Variants in ESR1 observed in about 807,000 individuals in gnomAD.
The protein encoded by ESR1 is estrogen receptor 1.
ESR1 carries 12 observed loss-of-function variants against 52.7 expected under a neutral mutation model. The ratio of observed to expected loss-of-function variants is 0.23; its 90% confidence interval spans 0.15 to 0.37. The LOEUF (loss-of-function observed/expected upper bound fraction) is 0.37, where lower values mean the gene tolerates loss of function less well. ESR1 is among the 10% of genes least tolerant of loss of function. The pLI, the probability that ESR1 is intolerant of heterozygous loss-of-function variation, is 1.00. For missense variants in ESR1, 584 were observed against 779.7 expected (o/e 0.75, Z 2.99); for synonymous variants, 305 against 316.8 (o/e 0.96, Z 0.39).
rs370788985 is a variant in ESR1 at position 151,967,547 on chromosome 6, G to A, written c.1096+23039G>A. On this transcript the variant is annotated intron_variant, in intron 4 of 7. Transcript: ENST00000206249. Reference sequence around the variant, plus strand: ...TTTTATAGCTGCATAGTATTCCATTGTGTATATGTGCCACATTTTCTTTAT... The same window carrying A: ...TTTTATAGCTGCATAGTATTCCATTATGTATATGTGCCACATTTTCTTTAT... Among the ~76,000 whole-genome samples, 24 of 152,270 alleles carry A rather than the reference G, an allele frequency of 1.6e-4. No individual in the cohort carries two copies. The East Asian group carries it at 3.9e-3, about 24-fold the overall frequency.
intron 1 of ESR1, among the ~76,000 whole-genome samples, chr6:151,698,058 C>T (rs1384705524): frequency 6.6e-6 from 1 of 151,668 alleles, no homozygotes; most frequent in Non-Finnish European, 1.5e-5. Context: ...TATTGTACCA[C>T]TGCACTCCAG....
chr6:151,764,143 G>T (rs887863339), intron 2 of ESR1, among the ~76,000 whole-genome samples: 1 of 152,156 alleles, frequency 6.6e-6, no homozygotes, highest in Non-Finnish European at 1.5e-5. Flanking sequence ...TCGGGACCGG[G>T]GTTTCCTGGA....
intron 2 of ESR1, among the ~76,000 whole-genome samples, chr6:151,784,039 T>C (rs1459901555): frequency 6.6e-6 from 1 of 152,198 alleles, no homozygotes; most frequent in Non-Finnish European, 1.5e-5. Context: ...ATTCTAACAA[T>C]ATGATTTATG....
intron 6 of ESR1, among the ~76,000 whole-genome samples, chr6:152,089,740 G>A (rs567481558): frequency 6.6e-6 from 1 of 152,102 alleles, no homozygotes; most frequent in Non-Finnish European, 1.5e-5. Context: ...CACCACACCT[G>A]ACTAATTTTT....
Position 151,839,906 on chromosome 6 carries a change from T to C in ESR1, c.453-2691T>C, listed in dbSNP as rs559037429. Among the ~76,000 whole-genome samples, 160 of 152,294 alleles carry C rather than the reference T, an allele frequency of 1.1e-3. 1 individual carries two copies. The highest frequency in any genetic ancestry group is 3.7e-3 in the African/African-American group (154 of 41,564). On this transcript the variant is annotated intron_variant, in intron 1 of 7. Coordinates refer to ENST00000206249, the MANE Select transcript of ESR1 (RefSeq NM_000125.4). ...CACGATGATGTGAGTATATCTAACA[T>C]GATTGAATTGATGAACACTTAAGCG... is the stretch of plus-strand genomic sequence containing the variant.
intron 1 of ESR1, among the ~76,000 whole-genome samples, chr6:151,701,552 A>AG (rs1779794321): frequency 7.2e-6 from 1 of 139,148 alleles, no homozygotes; most frequent in African/African-American, 2.9e-5. Context: ...AAAAAAAAAA[A>AG]GAAGAAGAAG....
intron 1 of ESR1, among the ~76,000 whole-genome samples, chr6:151,832,776 T>C (rs1222292636): frequency 6.6e-6 from 1 of 152,200 alleles, no homozygotes; most frequent in Admixed American, 6.5e-5. Flanking sequence ...TAAATACTTA[T>C]AATACTGTAT....
chr6:151,808,115 C>T lies in ESR1; in HGVS notation c.203C>T (p.Ala68Val), dbSNP rs1301485751. 1.9e-6 allele frequency: 3 copies of T among 1,611,160 alleles called. No homozygotes were observed. The South Asian group carries it at 3.3e-5, about 18-fold the overall frequency. ...AAYEFNAAAA[A>V]NAQVYGQTGL... ...TACGAGTTCAACGCCGCGGCCGCCG[C>T]CAACGCGCAGGTCTACGGTCAGACC... Residue 68 changes from alanine to valine, a missense_variant, in exon 1 of 8, where the codon GCC becomes GTC. Physicochemically the swap from Ala to Val is moderately conservative, Grantham distance 64 (BLOSUM62 0). Around this residue, in one of 6 missense-constraint regions of ESR1, gnomAD observed 251 missense variants for 246.1 expected, o/e 1.02. Transcript: ENST00000206249.
intron 1 of ESR1, among the ~76,000 whole-genome samples, chr6:151,698,844 A>G (rs1338953747): frequency 6.6e-6 from 1 of 152,206 alleles, no homozygotes; most frequent in Non-Finnish European, 1.5e-5. Context: ...AGAGGGTGAC[A>G]TGATAACATT....
chr6:152,107,957 A>G (rs1402387833), downstream of ESR1, among the ~76,000 whole-genome samples: 3 of 152,034 alleles, frequency 2.0e-5, no homozygotes, highest in Non-Finnish European at 1.5e-5. Flanking sequence ...AAACACCCTA[A>G]CCCAGCAAGG....
At chr6:151,830,948 T>A (rs1051433554) in intron 1 of ESR1, among the ~76,000 whole-genome samples, 1 of 152,208 alleles carries the variant, frequency 6.6e-6, no homozygotes, top group Non-Finnish European at 1.5e-5. Context: ...AACTAGGTAT[T>A]ATCTGTAATC....
At chr6:152,093,951 A>G (rs749338779) in intron 6 of ESR1, among the ~76,000 whole-genome samples, 1 of 152,140 alleles carries the variant, frequency 6.6e-6, no homozygotes, top group Non-Finnish European at 1.5e-5. Flanking sequence ...CCTACCTACT[A>G]TCCGAGTTCC....
chr6:152,125,352 C>T (rs2813563), exon 7 of ESR1: 315,204 of 1,549,354 alleles, frequency 0.2, 32,878 homozygotes, highest in Non-Finnish European at 0.21. Context: ...TGTCTAAAGC[C>T]TCTGGTCATA....
chr6:152,021,917 A>G (rs1451538187), intron 5 of ESR1, among the ~76,000 whole-genome samples: 2 of 151,930 alleles, frequency 1.3e-5, no homozygotes, highest in African/African-American at 4.8e-5. Context: ...CTCCTCCTTC[A>G]TCTTCTGCCA....
At chr6:151,979,446 G>C (rs1296793016) in intron 4 of ESR1, among the ~76,000 whole-genome samples, 1 of 151,950 alleles carries the variant, frequency 6.6e-6, no homozygotes, top group Admixed American at 6.6e-5. Flanking sequence ...TTGATGACTT[G>C]ATATGTTTTT....
chr6:151,771,053 A>G (rs1256306642), intron 2 of ESR1, among the ~76,000 whole-genome samples: 1 of 152,236 alleles, frequency 6.6e-6, no homozygotes. Context: ...GAGTTTTTCT[A>G]CAGAACTATT....
In ESR1 at chr6:151,735,667, C is replaced by T. The variant is rs190221123; in HGVS notation, c.-71+33662C>T. Among the ~76,000 whole-genome samples the T allele has an allele frequency of 6.4e-4, 98 of 152,038 alleles. 1 individual carries two copies. The highest frequency in any genetic ancestry group is 1.7e-3 in the African/African-American group (69 of 41,450). On this transcript the variant is annotated intron_variant, in intron 2 of 2. Transcript: ENST00000404742. Reference sequence around the variant, plus strand: ...CTGGGATTTTAGTTTACCCATCACTCGAGTAGTGTACTCTGTACCCAGGGT... The same window carrying T: ...CTGGGATTTTAGTTTACCCATCACTTGAGTAGTGTACTCTGTACCCAGGGT...
At chr6:152,063,717 A>G (rs2047735519) in intron 6 of ESR1, among the ~76,000 whole-genome samples, 1 of 152,174 alleles carries the variant, frequency 6.6e-6, no homozygotes, top group African/African-American at 2.4e-5. Flanking sequence ...ACCAATGACC[A>G]AGTGACTCTG....
chr6:151,924,950 A>G (rs2032415472), intron 3 of ESR1, among the ~76,000 whole-genome samples: 1 of 152,014 alleles, frequency 6.6e-6, no homozygotes, highest in African/African-American at 2.4e-5. Flanking sequence ...TGGTAGAACA[A>G]TTTATATTCC....
Sources: gnomAD v4.1 joint callset for allele counts (sites outside exome capture counted in the v4.1 genomes callset) on GRCh38, gnomAD v4.1.1 for gene constraint, gnomAD v4.1.1 regional missense constraint, MANE v1.5 for transcripts, NCBI Gene and HGNC (gene_info 2026-07-23, HGNC 2026-07-21) for gene names.